NSMCE2: variants seen among roughly 807,000 people sequenced by gnomAD.
NSMCE2 encodes NSE2 SUMO ligase component of SMC5/6 complex.
NSMCE2 carries 24 observed loss-of-function variants against 23.8 expected under a neutral mutation model. That is an observed-to-expected ratio of 1.01 (90% CI 0.73 to 1.42). The LOEUF (loss-of-function observed/expected upper bound fraction) is 1.42. Among genes scored for constraint, NSMCE2 ranks in the 40% most tolerant of loss-of-function variants. NSMCE2 has a pLI of 0.00. For missense variants in NSMCE2, 284 were observed against 296.5 expected, an observed-to-expected ratio of 0.96 and a Z score of 0.31; for synonymous variants, 92 against 94.1, an observed-to-expected ratio of 0.98 and a Z score of 0.13.
chr8:125,259,242 G>T (rs1158966568), intron 5 of NSMCE2, among the ~76,000 whole-genome samples: 1 of 152,068 alleles, frequency 6.6e-6, no homozygotes, highest in East Asian at 1.9e-4. Flanking sequence ...GACAGAGATG[G>T]GCTCCTGAGT....
chr8:125,288,474 G>T (rs984418299), intron 5 of NSMCE2, among the ~76,000 whole-genome samples: 2 of 152,088 alleles, frequency 1.3e-5, no homozygotes, highest in African/African-American at 2.4e-5. Flanking sequence ...TATTTCTGTT[G>T]ATTGATTGAT....
chr8:125,119,891 T>C (rs1819187284), intron 3 of NSMCE2, among the ~76,000 whole-genome samples: 1 of 152,104 alleles, frequency 6.6e-6, no homozygotes, highest in Admixed American at 6.5e-5. Context: ...ATGTAAAGCA[T>C]TATTTATATA....
intron 3 of NSMCE2, among the ~76,000 whole-genome samples, chr8:125,119,207 A>G (rs996960978): frequency 6.6e-6 from 1 of 152,092 alleles, no homozygotes; most frequent in Non-Finnish European, 1.5e-5. Flanking sequence ...AATCATTCCA[A>G]CACCTCCAGA....
chr8:125,145,945 A>G (rs1175735015), intron 3 of NSMCE2, among the ~76,000 whole-genome samples: 2 of 152,182 alleles, frequency 1.3e-5, no homozygotes, highest in African/African-American at 4.8e-5. Flanking sequence ...AGCACTTCAG[A>G]TTAGCTTTGC....
intron 4 of NSMCE2, among the ~76,000 whole-genome samples, chr8:125,175,699 A>G (rs769934921): frequency 2.6e-5 from 4 of 152,012 alleles, no homozygotes; most frequent in Non-Finnish European, 4.4e-5. Flanking sequence ...CAGTGAAACG[A>G]TGGTTATAAG....
intron 5 of NSMCE2, among the ~76,000 whole-genome samples, chr8:125,299,998 T>C (rs1828497639): frequency 2.0e-5 from 3 of 151,662 alleles, no homozygotes; most frequent in South Asian, 4.2e-4. Context: ...TTTGTATTTT[T>C]AGTAGAGACA....
chr8:125,365,210 C>T (rs1346555407), intron 7 of NSMCE2, among the ~76,000 whole-genome samples: 4 of 152,132 alleles, frequency 2.6e-5, no homozygotes, highest in African/African-American at 9.7e-5. Flanking sequence ...TGTGCTGCAG[C>T]CTGTTTTGCC....
chr8:125,125,515 C>T (rs1819475170), intron 3 of NSMCE2, among the ~76,000 whole-genome samples: 1 of 152,158 alleles, frequency 6.6e-6, no homozygotes, highest in Admixed American at 6.6e-5. Context: ...GTGATAGAAA[C>T]CTAATTGCAG....
chr8:125,250,891 A>G (rs1826175406), intron 5 of NSMCE2, among the ~76,000 whole-genome samples: 1 of 152,232 alleles, frequency 6.6e-6, no homozygotes. Context: ...GACAGTTGAT[A>G]ATAATGTTGA....
chr8:125,174,250 T>C (rs1822363181), intron 4 of NSMCE2, among the ~76,000 whole-genome samples: 1 of 152,184 alleles, frequency 6.6e-6, no homozygotes, highest in African/African-American at 2.4e-5. Context: ...ACCACTTTTG[T>C]CTGTTTGTTA....
At chr8:125,285,508 G>C (rs1403099527) in intron 5 of NSMCE2, among the ~76,000 whole-genome samples, 4 of 151,964 alleles carry the variant, frequency 2.6e-5, no homozygotes, top group African/African-American at 9.7e-5. Context: ...GATAAGAATA[G>C]GGTAGCCATA....
intron 5 of NSMCE2, among the ~76,000 whole-genome samples, chr8:125,345,674 A>G (rs1418818858): frequency 6.6e-6 from 1 of 152,200 alleles, no homozygotes; most frequent in Non-Finnish European, 1.5e-5. Flanking sequence ...GCCTGAATTG[A>G]GTCTTGGAGG....
chr8:125,123,898 A>C (rs1297699438), intron 3 of NSMCE2, among the ~76,000 whole-genome samples: 1 of 152,224 alleles, frequency 6.6e-6, no homozygotes, highest in Non-Finnish European at 1.5e-5. Context: ...GACAATAACA[A>C]CTTTATTGAG....
chr8:125,104,024 C>G (rs1264434229), intron 3 of NSMCE2, among the ~76,000 whole-genome samples: 12 of 133,962 alleles, frequency 9.0e-5, no homozygotes, highest in African/African-American at 2.8e-4. Context: ...GAATTTTGCT[C>G]TTGTTGCCCA....
intron 5 of NSMCE2, among the ~76,000 whole-genome samples, chr8:125,197,412 A>G (rs1823671748): frequency 1.3e-5 from 2 of 152,234 alleles, no homozygotes; most frequent in South Asian, 2.1e-4. Flanking sequence ...AGCTTTCTAC[A>G]TATGACTAGC....
At chr8:125,133,114 A>T (rs1198752907) in intron 3 of NSMCE2, among the ~76,000 whole-genome samples, 1 of 152,214 alleles carries the variant, frequency 6.6e-6, no homozygotes, top group Non-Finnish European at 1.5e-5. Context: ...AAAATTTATT[A>T]ATTAGATTTT....
intron 5 of NSMCE2, among the ~76,000 whole-genome samples, chr8:125,194,738 C>CTGT (rs1787074978): frequency 6.6e-6 from 1 of 152,078 alleles, no homozygotes; most frequent in Non-Finnish European, 1.5e-5. Flanking sequence ...AATGGACAAA[C>CTGT]TGTTTTTCAA....
intron 3 of NSMCE2, among the ~76,000 whole-genome samples, chr8:125,112,762 G>A (rs868782191): frequency 1.3e-5 from 2 of 152,148 alleles, no homozygotes; most frequent in African/African-American, 4.8e-5. Context: ...GGAGGACTGG[G>A]GAAATGTTGG....
chr8:125,302,659 T>C (rs1828611447), intron 5 of NSMCE2, among the ~76,000 whole-genome samples: 1 of 152,136 alleles, frequency 6.6e-6, no homozygotes, highest in Non-Finnish European at 1.5e-5. Flanking sequence ...AGAACAATGA[T>C]ATAAAGCAAA....
Sources: gnomAD v4.1 joint callset for allele counts (sites outside exome capture counted in the v4.1 genomes callset) on GRCh38, gnomAD v4.1.1 for gene constraint, MANE v1.5 for transcripts, NCBI Gene and HGNC (gene_info 2026-07-23, HGNC 2026-07-21) for gene names.